Variants in FGF10 observed in about 807,000 individuals in gnomAD.
FGF10 encodes fibroblast growth factor 10.
FGF10 carries 2 observed loss-of-function variants against 19.8 expected under a neutral mutation model. The ratio of observed to expected loss-of-function variants is 0.10; its 90% CI spans 0.04 to 0.32. The LOEUF (loss-of-function observed/expected upper bound fraction) is 0.32, where lower values mean the gene tolerates loss of function less well. Ranked by LOEUF, FGF10 falls within the 10% of genes least tolerant of loss-of-function variation. The pLI is 1.00. For missense variants in FGF10, 191 were observed against 246.3 expected (o/e 0.78, Z 1.50); for synonymous variants, 112 against 94.0 (o/e 1.19, Z -1.10).
chr5:44,329,053 G>A (rs1740673690), intron 1 of FGF10, among the ~76,000 whole-genome samples: 1 of 152,096 alleles, frequency 6.6e-6, no homozygotes, highest in African/African-American at 2.4e-5. Flanking sequence ...TATTTCAAGT[G>A]GATTCCAACC....
In FGF10 at chr5:44,304,209, C is replaced by G. The variant is rs1160653023; in HGVS notation, c.*786G>C. The G allele has an allele frequency of 6.6e-6, 1 of 152,272 alleles. No individual in the cohort carries two copies. Among genetic ancestry groups the G allele is most frequent in the East Asian group, 1.9e-4 (1 of 5,178 alleles). The allele number at this position is 152,272 out of a possible 1,614,324, so 9.4% of individuals were successfully genotyped here. A position where few individuals can be genotyped will look rare whatever the true frequency, so the allele number is the denominator to read the frequency against. Reference sequence around the variant, plus strand: ...CGGGCACTCATACTGCTTCCCTAATCCCAACTCCTATTTTTGAAGTGTTCG... The same window carrying G: ...CGGGCACTCATACTGCTTCCCTAATGCCAACTCCTATTTTTGAAGTGTTCG... On this transcript the variant is annotated 3_prime_UTR_variant, in exon 3 of 3. Coordinates refer to ENST00000264664, the MANE Select transcript of FGF10 (RefSeq NM_004465.2).
At chr5:44,351,052 T>C (rs11743802) in intron 1 of FGF10, among the ~76,000 whole-genome samples, 16,261 of 151,504 alleles carry the variant, frequency 0.11, 1,196 homozygotes, top group Non-Finnish European at 0.16. Flanking sequence ...ACTCTGGCAT[T>C]GTTAAATGAA....
Position 44,357,128 on chromosome 5 carries a change from A to C in FGF10, c.325+31230T>G, listed in dbSNP as rs1274544916. Among the ~76,000 whole-genome samples, 5 of 148,726 alleles carry C rather than the reference A, an allele frequency of 3.4e-5. No homozygotes were observed. The South Asian group carries it at 6.5e-4, about 19-fold the overall frequency. ...TTCCTAAGATTTTCATAAAAAAAAA[A>C]CAACATTCTAATGTAATTTCGAAAC... On this transcript the variant is annotated intron_variant, in intron 1 of 2. Coordinates refer to ENST00000264664, the MANE Select transcript of FGF10 (RefSeq NM_004465.2).
intron 1 of FGF10, among the ~76,000 whole-genome samples, chr5:44,372,783 G>A (rs1741770096): frequency 6.6e-6 from 1 of 152,168 alleles, no homozygotes; most frequent in Admixed American, 6.5e-5. Context: ...GGAGAAAAAT[G>A]TAAAGAAGAA....
chr5:44,357,286 G>T (rs188429263), intron 1 of FGF10, among the ~76,000 whole-genome samples: 3 of 151,500 alleles, frequency 2.0e-5, no homozygotes, highest in East Asian at 3.9e-4. Context: ...AACCCTGAAA[G>T]ATCATGTTTT....
intron 1 of FGF10, among the ~76,000 whole-genome samples, chr5:44,349,673 A>T (rs939586728): frequency 6.2e-5 from 6 of 96,602 alleles, no homozygotes; most frequent in Admixed American, 2.7e-4. Context: ...AAGGCTAAAT[A>T]TATTCATAGA....
chr5:44,346,110 G>T (rs1309130199), intron 1 of FGF10, among the ~76,000 whole-genome samples: 1 of 151,524 alleles, frequency 6.6e-6, no homozygotes, highest in Non-Finnish European at 1.5e-5. Flanking sequence ...GCTGTTCCTT[G>T]TCCCACAGCC....
chr5:44,310,644 C>T, intron 1 of FGF10, 114 bp from the exon 2 acceptor site: 1 of 742,442 alleles, frequency 1.3e-6, no homozygotes, highest in Admixed American at 2.2e-5. Context: ...AAACAAAAGG[C>T]ACAAAACATT....
chr5:44,342,679 T>G (rs1375197086), intron 1 of FGF10, among the ~76,000 whole-genome samples: 2 of 151,892 alleles, frequency 1.3e-5, no homozygotes, highest in Non-Finnish European at 2.9e-5. Context: ...CACACTAAAG[T>G]TCATCTACAT....
At chr5:44,324,934 G>GA (rs1354234297) in intron 1 of FGF10, among the ~76,000 whole-genome samples, 3 of 151,932 alleles carry the variant, frequency 2.0e-5, no homozygotes, top group African/African-American at 4.8e-5. Flanking sequence ...TAAAGATCAG[G>GA]AAAAAAACTG....
chr5:44,338,338 G>A (rs1305131717), intron 1 of FGF10, among the ~76,000 whole-genome samples: 1 of 152,052 alleles, frequency 6.6e-6, no homozygotes, highest in African/African-American at 2.4e-5. Context: ...TTTAGTACTT[G>A]TTTTTCAGAG....
chr5:44,359,841 C>A (rs1741434488), intron 1 of FGF10, among the ~76,000 whole-genome samples: 1 of 151,470 alleles, frequency 6.6e-6, no homozygotes. Context: ...TCCACTCCAA[C>A]TTTCACCCCC....
In FGF10 at chr5:44,302,031, C is replaced by T. The variant is rs1174185375; in HGVS notation, c.*2964G>A. On this transcript the variant is annotated 3_prime_UTR_variant, in exon 3 of 3. Transcript: ENST00000264664. ...GGCTGATGCACTTTAACTTTGTGGGCCTGGGACCATACTCCTACAGAGGCA... is the reference window on the plus strand; with the variant it reads ...GGCTGATGCACTTTAACTTTGTGGGTCTGGGACCATACTCCTACAGAGGCA... 1.3e-5 allele frequency among the ~76,000 whole-genome samples: 2 copies of T among 151,744 alleles called. No homozygotes were observed.
At chr5:44,331,299 AGCTTT>A (rs886849587) in intron 1 of FGF10, among the ~76,000 whole-genome samples, 1 of 151,952 alleles carries the variant, frequency 6.6e-6, no homozygotes, top group African/African-American at 2.4e-5. Flanking sequence ...TTCACTTTGG[AGCTTT>A]GCTTAACAAT....
chr5:44,345,499 G>A (rs1741071201), intron 1 of FGF10, among the ~76,000 whole-genome samples: 1 of 151,548 alleles, frequency 6.6e-6, no homozygotes, highest in Non-Finnish European at 1.5e-5. Flanking sequence ...CATGCTTGGG[G>A]ATCTCTTCAC....
intron 1 of FGF10, among the ~76,000 whole-genome samples, chr5:44,319,420 TA>T: frequency 6.6e-6 from 1 of 152,174 alleles, no homozygotes; most frequent in East Asian, 1.9e-4. Flanking sequence ...AGGAAAATAA[TA>T]AAATGGGTCA....
rs796706413 is a variant in FGF10, at chr5:44,369,548, C to A, written c.325+18810G>T. Among the ~76,000 whole-genome samples the A allele has an allele frequency of 1.3e-4, 20 of 152,250 alleles. 2 individuals are homozygous for A. Among genetic ancestry groups the A allele is most frequent in the African/African-American group, 4.8e-4 (20 of 41,562 alleles). On this transcript the variant is annotated intron_variant, in intron 1 of 2. Transcript: ENST00000264664. ...GTCATTTGGTGTAGCATCCCCAGCTCTTCCTCATAAATAGCAGTGGCGGAG... is the reference window on the plus strand; with the variant it reads ...GTCATTTGGTGTAGCATCCCCAGCTATTCCTCATAAATAGCAGTGGCGGAG...
intron 1 of FGF10, among the ~76,000 whole-genome samples, chr5:44,334,622 T>A (rs910229342): frequency 2.6e-5 from 4 of 152,184 alleles, no homozygotes; most frequent in Non-Finnish European, 5.9e-5. Context: ...AATGTCCTAA[T>A]GGTTGAATGA....
At chr5:44,352,768 C>T (rs1007180081) in intron 1 of FGF10, among the ~76,000 whole-genome samples, 7 of 151,522 alleles carry the variant, frequency 4.6e-5, no homozygotes, top group Non-Finnish European at 7.4e-5. Flanking sequence ...TCCCAGGATT[C>T]CCTCTGTGAC....
Sources: allele counts gnomAD v4.1 joint callset (sites outside exome capture counted in the v4.1 genomes callset), GRCh38; gene constraint gnomAD v4.1.1; transcripts MANE v1.5; gene names NCBI Gene and HGNC (gene_info 2026-07-23, HGNC 2026-07-21).